Variants in KIF11 observed in about 807,000 individuals in gnomAD.
KIF11 encodes the protein kinesin family member 11, also known as kinesin-like protein KIF11.
A neutral mutation model predicts 121.0 loss-of-function variants in KIF11; 9 were observed. The observed-to-expected ratio is 0.07, with a 90% CI of 0.04 to 0.13. The LOEUF (loss-of-function observed/expected upper bound fraction) is 0.13, where lower values mean the gene tolerates loss of function less well. KIF11 is among the 10% of genes least tolerant of loss of function. The pLI, the probability that KIF11 is intolerant of heterozygous loss-of-function variation, is 1.00. For synonymous variants in KIF11, 408 were observed against 421.0 expected (o/e 0.97, Z 0.38); for missense variants, 846 against 1,217.5 (o/e 0.69, Z 4.54).
intron 10 of KIF11, among the ~76,000 whole-genome samples, chr10:92,627,985 G>A (rs1039664806): frequency 3.3e-5 from 5 of 152,164 alleles, no homozygotes; most frequent in African/African-American, 1.2e-4. Flanking sequence ...ATGATGTCTA[G>A]TGAAAGTGAA....
intron 1 of KIF11, among the ~76,000 whole-genome samples, chr10:92,596,028 G>T (rs1174644751): frequency 6.6e-6 from 1 of 152,116 alleles, no homozygotes; most frequent in Non-Finnish European, 1.5e-5. Flanking sequence ...TTGAGACCGA[G>T]TCTCGCTCTG....
Position 92,614,021 on chromosome 10 carries a change from T to TATACACACAC in KIF11, c.1032+403_1032+404insTACACACACA, listed in dbSNP as rs1284311727. The stretch of plus-strand genomic sequence containing the variant: ...ATAAAAAAAAAGAAAAGTATGTGTA[T>TATACACACAC]ACACACACACACACACACACACACA... On this transcript the variant is annotated intron_variant, in intron 8 of 21. Coordinates refer to ENST00000260731, the MANE Select transcript of KIF11 (RefSeq NM_004523.4). 8.7e-3 allele frequency among the ~76,000 whole-genome samples: 1,099 copies of TATACACACAC among 126,916 alleles called. 8 individuals are homozygous for TATACACACAC. The highest frequency in any genetic ancestry group is 0.011 in the Non-Finnish European group (695 of 62,776). The allele number at this position is 126,916 out of a possible 152,430, so 83.3% of individuals were successfully genotyped here.
At chr10:92,642,256 A>AT (rs1162324512) in intron 17 of KIF11, among the ~76,000 whole-genome samples, 1 of 152,122 alleles carries the variant, frequency 6.6e-6, no homozygotes, top group Non-Finnish European at 1.5e-5. Flanking sequence ...TCAGGATCCT[A>AT]TTTAAGTATT....
chr10:92,633,409 C>T (rs1007350117), intron 13 of KIF11, among the ~76,000 whole-genome samples: 1 of 151,948 alleles, frequency 6.6e-6, no homozygotes, highest in East Asian at 1.9e-4. Context: ...GGGTCTGATA[C>T]ACTTACAAAT....
chr10:92,640,959 G>T (rs566425642), intron 17 of KIF11, among the ~76,000 whole-genome samples: 45 of 151,366 alleles, frequency 3.0e-4, no homozygotes, highest in African/African-American at 1.1e-3. Flanking sequence ...CGTTGGCCAG[G>T]CTGATCTTGA....
chr10:92,596,169 A>T (rs561611387), intron 1 of KIF11, among the ~76,000 whole-genome samples: 1 of 152,144 alleles, frequency 6.6e-6, no homozygotes, highest in Admixed American at 6.6e-5. Flanking sequence ...TCTCCCGGCT[A>T]ATTTTTTGTA....
At chr10:92,628,180 G>A (rs1205325089) in intron 10 of KIF11, among the ~76,000 whole-genome samples, 1 of 152,096 alleles carries the variant, frequency 6.6e-6, no homozygotes, top group Non-Finnish European at 1.5e-5. Context: ...CCACAATGAA[G>A]AATTATTTGA....
intron 10 of KIF11, among the ~76,000 whole-genome samples, chr10:92,622,205 C>T (rs774516588): frequency 3.0e-4 from 46 of 151,972 alleles, no homozygotes; most frequent in Non-Finnish European, 4.4e-4. Flanking sequence ...AGCTGGGAGG[C>T]GGAGGTTGTG....
chr10:92,649,568 T>C (rs1485717412), intron 19 of KIF11, among the ~76,000 whole-genome samples: 2 of 152,200 alleles, frequency 1.3e-5, no homozygotes, highest in Non-Finnish European at 2.9e-5. Context: ...TTAGAGCTTA[T>C]AACACATCTT....
intron 6 of KIF11, among the ~76,000 whole-genome samples, chr10:92,611,637 G>A (rs1190748381): frequency 6.6e-6 from 1 of 152,038 alleles, no homozygotes; most frequent in Admixed American, 6.6e-5. Flanking sequence ...GATGGCTGAC[G>A]CTTGTAATCC....
intron 11 of KIF11, among the ~76,000 whole-genome samples, chr10:92,629,871 C>G (rs1450008819): frequency 2.0e-5 from 3 of 152,168 alleles, no homozygotes; most frequent in Non-Finnish European, 4.4e-5. Flanking sequence ...CCTGCCTTGG[C>G]CTCCCAGAGT....
chr10:92,607,361 T>A, intron 4 of KIF11, 124 bp downstream of exon 4: 3 of 603,406 alleles, frequency 5.0e-6, no homozygotes, highest in South Asian at 2.0e-5. Context: ...GAACTTAGGA[T>A]AAACCACTAC....
chr10:92,611,455 G>A (rs1007828879), intron 6 of KIF11, among the ~76,000 whole-genome samples: 19 of 151,794 alleles, frequency 1.3e-4, no homozygotes, highest in South Asian at 4.2e-4. Context: ...CTCGTGATCC[G>A]TCCACCTCGG....
chr10:92,646,084 T>TG (rs1461698589), intron 18 of KIF11, among the ~76,000 whole-genome samples: 3 of 151,874 alleles, frequency 2.0e-5, no homozygotes, highest in Non-Finnish European at 2.9e-5. Flanking sequence ...CTCGAGTAGT[T>TG]GGGATTATAG....
Position 92,593,347 on chromosome 10 carries a change from C to T in KIF11, c.-29C>T, listed in dbSNP as rs370660638. On this transcript the variant is annotated 5_prime_UTR_variant, in exon 1 of 22. Coordinates refer to ENST00000260731, the MANE Select transcript of KIF11 (RefSeq NM_004523.4). Reference sequence around the variant, plus strand: ...CCCTCACAGCGCCCAGGTCCGCGGCCGGGCCTTGATTTTTTGGCGGGGACC... The same window carrying T: ...CCCTCACAGCGCCCAGGTCCGCGGCTGGGCCTTGATTTTTTGGCGGGGACC... The T allele has an allele frequency of 1.6e-5, 25 of 1,592,032 alleles. No individual in the cohort carries two copies. Among genetic ancestry groups the T allele is most frequent in the South Asian group, 6.8e-5 (6 of 87,846 alleles).
At chr10:92,634,743 G>A (rs1014576125) in intron 14 of KIF11, among the ~76,000 whole-genome samples, 2 of 152,186 alleles carry the variant, frequency 1.3e-5, no homozygotes, top group African/African-American at 4.8e-5. Flanking sequence ...GGCAAGTTTA[G>A]CACCACATGA....
At chr10:92,651,790 T>G (rs1844988715) in intron 21 of KIF11, among the ~76,000 whole-genome samples, 1 of 151,818 alleles carries the variant, frequency 6.6e-6, no homozygotes, top group African/African-American at 2.4e-5. Context: ...AGTAGGAGGA[T>G]TCCAATGAAA....
Position 92,649,922 on chromosome 10 carries a change from G to A in KIF11, c.2858G>A (p.Arg953Lys), listed in dbSNP as rs1844962480. 2 of 1,613,274 alleles carry A rather than the reference G, an allele frequency of 1.2e-6. No homozygotes were observed. Among genetic ancestry groups the A allele is most frequent in the Middle Eastern group, 1.7e-4 (1 of 6,058 alleles). Residue 953 changes from arginine to lysine, a missense_variant, in exon 20 of 22, where the codon AGG (arginine) becomes AAG (lysine). This residue lies in a region of KIF11 where 492 missense variants were observed against 603.4 expected (regional missense o/e 0.82). Coordinates refer to ENST00000260731, the MANE Select transcript of KIF11 (RefSeq NM_004523.4). Reference sequence around the variant, plus strand: ...GAACATCTCCTTGATCAGCTGAAAAGGAAACAGCCTGAGCTGTTAATGATG... The same window carrying A: ...GAACATCTCCTTGATCAGCTGAAAAAGAAACAGCCTGAGCTGTTAATGATG... ...PREHLLDQLK[R>K]KQPELLMMLN... is the part of the protein sequence containing the mutation.
rs77352615 is a variant in KIF11, at chr10:92,612,650, G to A, written c.699-390G>A. Among the ~76,000 whole-genome samples, 542 of 152,246 alleles carry A rather than the reference G, an allele frequency of 3.6e-3. 2 individuals carry two copies. The highest frequency in any genetic ancestry group is 6.6e-3 in the Non-Finnish European group (450 of 68,014). The stretch of plus-strand genomic sequence containing the variant: ...TGGGAAGGTGGAAGAGTAAACTAAT[G>A]CCTTACCTGGTACCATTTGAATTTA... On this transcript the variant is annotated intron_variant, in intron 6 of 21. Transcript: ENST00000260731.
Sources: gnomAD v4.1 joint callset for allele counts (sites outside exome capture counted in the v4.1 genomes callset) on GRCh38, gnomAD v4.1.1 for gene constraint, gnomAD v4.1.1 regional missense constraint, MANE v1.5 for transcripts, NCBI Gene and HGNC (gene_info 2026-07-23, HGNC 2026-07-21) for gene names.